The following SKI variants were observed in gnomAD, a reference collection of about 807,000 sequenced individuals.
SKI encodes the protein SKI proto-oncogene.
A neutral mutation model predicts 59.3 loss-of-function variants in SKI; 23 were observed. The ratio of observed to expected loss-of-function variants is 0.39; its 90% CI spans 0.28 to 0.55. SKI has a LOEUF of 0.55. SKI is among the 20% of genes least tolerant of loss of function. The pLI, the probability that SKI is intolerant of heterozygous loss-of-function variation, is 0.67. For synonymous variants in SKI, 673 were observed against 488.6 expected, an observed-to-expected ratio of 1.38 and a Z score of -4.98; for missense variants, 1,017 against 1,038.9, an observed-to-expected ratio of 0.98 and a Z score of 0.29.
rs115746142 is a variant in SKI, at chr1:2,229,060, C to T, written c.294C>T (p.Thr98=). The T allele has an allele frequency of 2.2e-3, 3,512 of 1,606,478 alleles. 58 individuals carry two copies. The African/African-American group carries it at 0.038, about 18-fold the overall frequency. Residue 98 remains threonine (T), a synonymous_variant, in exon 1 of 7, where the codon ACC becomes ACT. Coordinates refer to ENST00000378536, the MANE Select transcript of SKI (RefSeq NM_003036.4). This position sits in a 1 kb window ranked among gnomAD's most constrained non-coding sequence, Gnocchi z 6.3. ...GPFFMPSDRS[T]ERCETVLEGE... is the part of the protein sequence containing the mutation. ...TCTTCATGCCGTCCGACCGCTCCAC[C>T]GAGCGCTGCGAGACCGTACTGGAAG...
chr1:2,241,462 C>T (rs561650911), intron 1 of SKI, among the ~76,000 whole-genome samples: 2 of 152,186 alleles, frequency 1.3e-5, no homozygotes, highest in South Asian at 2.1e-4. Context: ...CTGCGATCTC[C>T]GCTCACTGCA....
intron 1 of SKI, chr1:2,232,567 C>T (rs919925516): frequency 2.0e-5 from 3 of 152,236 alleles, no homozygotes; most frequent in East Asian, 1.9e-4. Context: ...CCTCATGTCA[C>T]GGGGTTACAG....
intron 1 of SKI, among the ~76,000 whole-genome samples, chr1:2,271,947 GAGA>G (rs1357835572): frequency 1.3e-5 from 2 of 152,204 alleles, no homozygotes; most frequent in Admixed American, 1.3e-4. Context: ...GGGACTGGGA[GAGA>G]CACTCCGGGC....
chr1:2,306,509 G>C (rs1464265781), intron 6 of SKI, 68 bp from the exon 7 acceptor site: 34 of 1,466,444 alleles, frequency 2.3e-5, no homozygotes, highest in Admixed American at 6.0e-5. Flanking sequence ...AGCCTCGGGT[G>C]GGGGAAGCAG....
intron 1 of SKI, among the ~76,000 whole-genome samples, chr1:2,264,575 A>AT (rs1243584476): frequency 6.6e-6 from 1 of 150,932 alleles, no homozygotes; most frequent in Non-Finnish European, 1.5e-5. Context: ...GGCCTGTTTT[A>AT]TTTTTTTGTA....
chr1:2,263,066 A>AT (rs1217621206), intron 1 of SKI, among the ~76,000 whole-genome samples: 1 of 151,412 alleles, frequency 6.6e-6, no homozygotes, highest in Non-Finnish European at 1.5e-5. Context: ...CACCCAGCTA[A>AT]TTTTTTGTAT....
chr1:2,300,428 C>T (rs1640396543), intron 1 of SKI, among the ~76,000 whole-genome samples: 2 of 151,752 alleles, frequency 1.3e-5, no homozygotes, highest in African/African-American at 4.8e-5. Context: ...GCGGTCGTAG[C>T]TGCTCTTCCC....
chr1:2,261,362 A>C (rs1639382610), intron 1 of SKI, among the ~76,000 whole-genome samples: 1 of 152,218 alleles, frequency 6.6e-6, no homozygotes, highest in South Asian at 2.1e-4. Flanking sequence ...TCCATAGATA[A>C]ATTGGGAATA....
intron 1 of SKI, among the ~76,000 whole-genome samples, chr1:2,264,518 T>C (rs1423325260): frequency 6.6e-6 from 1 of 152,048 alleles, no homozygotes; most frequent in Non-Finnish European, 1.5e-5. Flanking sequence ...ATCCGCCTGC[T>C]TCAGGTTTCC....
intron 1 of SKI, among the ~76,000 whole-genome samples, chr1:2,247,804 C>G (rs769315819): frequency 4.6e-5 from 7 of 152,244 alleles, no homozygotes; most frequent in Non-Finnish European, 1.0e-4. Flanking sequence ...TGCCCCAGCC[C>G]GAGTCCAGTC....
intron 1 of SKI, among the ~76,000 whole-genome samples, chr1:2,260,428 T>C (rs902819271): frequency 1.3e-5 from 2 of 152,182 alleles, no homozygotes; most frequent in African/African-American, 4.8e-5. Flanking sequence ...ATTTGCGCCT[T>C]ACGTAGACTT....
In SKI at chr1:2,287,672, G is replaced by T. The variant is rs549710069; in HGVS notation, c.970-15306G>T. ...GCTACGAGGGTCTGCCGCAGGGGGG[G>T]TGTGGACGGGTCTTGCATGCGTCAC... On this transcript the variant is annotated intron_variant, in intron 1 of 6. Transcript: ENST00000378536. Among the ~76,000 whole-genome samples, 29 of 152,282 alleles carry T rather than the reference G, an allele frequency of 1.9e-4. No homozygotes were observed. The East Asian group carries it at 2.7e-3, about 14-fold the overall frequency.
At position 2,261,682 on chromosome 1, in the gene SKI, G is replaced by T. The variant is rs78858668; in HGVS notation, c.969+31947G>T. ...TTCTGTGTAGATGATCATGTCGTCTGCAGTAAAAGCAGTTTCACTTCTTCC... is the reference window on the plus strand; with the variant it reads ...TTCTGTGTAGATGATCATGTCGTCTTCAGTAAAAGCAGTTTCACTTCTTCC... On this transcript the variant is annotated intron_variant, in intron 1 of 6. Transcript: ENST00000378536. Among the ~76,000 whole-genome samples, 881 of 152,372 alleles carry T rather than the reference G, an allele frequency of 5.8e-3. 8 individuals carry two copies. Among genetic ancestry groups the T allele is most frequent in the Non-Finnish European group, 9.4e-3 (641 of 68,048 alleles).
At chr1:2,275,193 C>T (rs1184111545) in intron 1 of SKI, among the ~76,000 whole-genome samples, 18 of 152,222 alleles carry the variant, frequency 1.2e-4, no homozygotes, top group Non-Finnish European at 2.1e-4. Flanking sequence ...TTCGCGGGGT[C>T]CTGGTCTGAT....
intron 1 of SKI, among the ~76,000 whole-genome samples, chr1:2,278,595 T>TC (rs1445994522): frequency 6.6e-6 from 1 of 151,816 alleles, no homozygotes; most frequent in African/African-American, 2.4e-5. Context: ...GGTGAGGGCT[T>TC]CCCCAGACCC....
At chr1:2,245,329 A>C (rs1033745397) in intron 1 of SKI, among the ~76,000 whole-genome samples, 3 of 152,110 alleles carry the variant, frequency 2.0e-5, no homozygotes, top group African/African-American at 7.2e-5. Flanking sequence ...CATTTCTGTC[A>C]GTGGACACAC....
intron 1 of SKI, among the ~76,000 whole-genome samples, chr1:2,301,894 G>T (rs1640434418): frequency 6.6e-6 from 1 of 152,094 alleles, no homozygotes; most frequent in East Asian, 1.9e-4. Flanking sequence ...GTGTAGACCT[G>T]GTGCCAGCTG....
At position 2,263,866 on chromosome 1, in the gene SKI, CAA is replaced by C. The variant is rs34134821; in HGVS notation, c.969+34148_969+34149del. 9.9e-3 allele frequency among the ~76,000 whole-genome samples: 940 copies of C among 95,400 alleles called. 11 individuals carry two copies. Among genetic ancestry groups the C allele is most frequent in the African/African-American group, 0.03 (803 of 26,548 alleles). The allele number at this position is 95,400 out of a possible 152,430, so 62.6% of individuals were successfully genotyped here. A position where few individuals can be genotyped will look rare whatever the true frequency, so the allele number is the denominator to read the frequency against. On this transcript the variant is annotated intron_variant, in intron 1 of 6. Coordinates refer to ENST00000378536, the MANE Select transcript of SKI (RefSeq NM_003036.4). ...TGGGCGACAAAGCAAGACTCCATCT[CAA>C]AAAAAAAAAAAAAAAAGTTTCGTGG...
intron 1 of SKI, among the ~76,000 whole-genome samples, chr1:2,275,105 C>T (rs931984502): frequency 3.9e-5 from 6 of 152,232 alleles, no homozygotes; most frequent in Non-Finnish European, 7.3e-5. Context: ...CTGGAACCCC[C>T]ACCCTGAAAG....
Sources: gnomAD v4.1 joint callset for allele counts (sites outside exome capture counted in the v4.1 genomes callset) on GRCh38, gnomAD v4.1.1 for gene constraint, Gnocchi (gnomAD v3.1) non-coding constraint, MANE v1.5 for transcripts, NCBI Gene and HGNC (gene_info 2026-07-23, HGNC 2026-07-21) for gene names.